The following NCOR1 variants were observed in gnomAD, a reference collection of about 807,000 sequenced individuals.
The protein encoded by NCOR1 is nuclear receptor corepressor 1.
In NCOR1, 63 loss-of-function variants were observed where a neutral mutation model predicts 288.1. The ratio of observed to expected loss-of-function variants is 0.22; its 90% CI spans 0.18 to 0.27. The LOEUF (loss-of-function observed/expected upper bound fraction) is 0.27, where lower values mean the gene tolerates loss of function less well. NCOR1 is among the 10% of genes least tolerant of loss of function. The pLI is 1.00. For synonymous variants in NCOR1, 1,007 were observed against 1,065.9 expected, an observed-to-expected ratio of 0.94 and a Z score of 1.08; for missense variants, 2,397 against 3,019.2, an observed-to-expected ratio of 0.79 and a Z score of 4.83.
intron 1 of NCOR1, among the ~76,000 whole-genome samples, chr17:16,206,380 T>C (rs2091509987): frequency 6.6e-6 from 1 of 151,474 alleles, no homozygotes; most frequent in African/African-American, 2.4e-5. Context: ...ATTAAGCAAA[T>C]TACAGTATTT....
intron 6 of NCOR1, among the ~76,000 whole-genome samples, chr17:16,157,311 T>C (rs1315983380): frequency 6.6e-6 from 1 of 152,180 alleles, no homozygotes; most frequent in East Asian, 1.9e-4. Context: ...ATTGGACTAA[T>C]ATTGAACCCA....
chr17:16,167,739 A>G (rs1258072367), intron 4 of NCOR1, among the ~76,000 whole-genome samples: 1 of 151,324 alleles, frequency 6.6e-6, no homozygotes, highest in African/African-American at 2.4e-5. Flanking sequence ...GCGAGCCTGT[A>G]ATCCCAGCTA....
intron 6 of NCOR1, among the ~76,000 whole-genome samples, chr17:16,155,804 A>G (rs2153405636): frequency 6.6e-6 from 1 of 152,284 alleles, no homozygotes; most frequent in South Asian, 2.1e-4. Context: ...GAAACAGATA[A>G]GCTCATTCAT....
Position 16,137,325 on chromosome 17 carries a change from T to C in NCOR1, c.1495A>G (p.Arg499Gly), listed in dbSNP as rs748239561. ...AGAAAACACACCTGGTTTCTGCCTC[T>C]GCGTTTCCCATAATTCCTTCTGACG... Reference protein sequence around the residue: ...ALVRRNYGKRRGRNQQIARPS... With the variant: ...ALVRRNYGKRGGRNQQIARPS... Residue 499 changes from arginine (R) to glycine (G), a missense_variant, in exon 14 of 46, where the codon AGA becomes GGA. Arg to Gly is a moderately radical substitution (Grantham distance 125). This residue lies in a region of NCOR1 where 7 missense variants were observed against 30.5 expected (regional missense o/e 0.23). Coordinates refer to ENST00000268712, the MANE Select transcript of NCOR1 (RefSeq NM_006311.4). 1 of 1,601,678 alleles carries C rather than the reference T, an allele frequency of 6.2e-7. No homozygotes were observed. Among genetic ancestry groups the C allele is most frequent in the Non-Finnish European group, 8.5e-7 (1 of 1,173,002 alleles).
At chr17:16,208,206 A>ATCTTTTTTT (rs2091770694) in intron 1 of NCOR1, among the ~76,000 whole-genome samples, 1 of 65,552 alleles carries the variant, frequency 1.5e-5, no homozygotes, top group Admixed American at 2.3e-4. Flanking sequence ...ATGCCCAGCT[A>ATCTTTTTTT]TTTTTTTTTT....
chr17:16,139,614 T>C (rs956854579), intron 11 of NCOR1, among the ~76,000 whole-genome samples: 3 of 152,150 alleles, frequency 2.0e-5, no homozygotes, highest in East Asian at 1.9e-4. Context: ...GAACAATAAA[T>C]AGAAAAATAA....
At chr17:16,083,310 G>C (rs1423690415) in intron 23 of NCOR1, among the ~76,000 whole-genome samples, 1 of 151,424 alleles carries the variant, frequency 6.6e-6, no homozygotes, top group African/African-American at 2.4e-5. Context: ...AGGAGTTGGA[G>C]GCTACAGTGA....
intron 3 of NCOR1, among the ~76,000 whole-genome samples, chr17:16,186,062 G>A (rs1187731825): frequency 6.6e-6 from 1 of 152,188 alleles, no homozygotes; most frequent in Non-Finnish European, 1.5e-5. Flanking sequence ...TACATTATCT[G>A]ACAGAATATT....
intron 22 of NCOR1, chr17:16,087,394 T>C (rs774594398): frequency 3.4e-5 from 42 of 1,225,566 alleles, no homozygotes; most frequent in Non-Finnish European, 4.6e-5. Context: ...CAAATTAAAA[T>C]AGTAAGTGTG....
chr17:16,183,691 T>C (rs553422541), intron 3 of NCOR1, among the ~76,000 whole-genome samples: 1 of 152,256 alleles, frequency 6.6e-6, no homozygotes, highest in African/African-American at 2.4e-5. Context: ...TTCAACACAA[T>C]TCTTATTAAA....
chr17:16,092,361 C>A (rs1394863680), intron 21 of NCOR1, among the ~76,000 whole-genome samples: 1 of 151,722 alleles, frequency 6.6e-6, no homozygotes, highest in Non-Finnish European at 1.5e-5. Flanking sequence ...GTGAGGCATG[C>A]CTGTAGTCCC....
chr17:16,116,776 G>A (rs1598860214), intron 18 of NCOR1, among the ~76,000 whole-genome samples: 1 of 152,286 alleles, frequency 6.6e-6, no homozygotes, highest in East Asian at 1.9e-4. Flanking sequence ...CATACTCAAT[G>A]GGTGAGATTT....
intron 32 of NCOR1, among the ~76,000 whole-genome samples, chr17:16,067,424 T>C (rs2061258302): frequency 6.6e-6 from 1 of 152,232 alleles, no homozygotes; most frequent in African/African-American, 2.4e-5. Flanking sequence ...TGTATTTAGA[T>C]TGCTTGGAAG....
intron 14 of NCOR1, among the ~76,000 whole-genome samples, chr17:16,127,650 T>C (rs1214192697): frequency 3.4e-5 from 5 of 147,238 alleles, no homozygotes; most frequent in African/African-American, 1.0e-4. Context: ...TATGTGTATG[T>C]GTATATATAC....
rs1180914155 is a variant in NCOR1, at chr17:16,032,413, T to A, written c.7206A>T (p.Ala2402=). The change falls in exon 46 of 46, where the codon GCA becomes GCT. Residue 2402 remains alanine (A), a synonymous_variant. Coordinates refer to ENST00000268712, the MANE Select transcript of NCOR1 (RefSeq NM_006311.4). ...MLSSTPPTPI[A]CAPSAVNQAA... ...CTTGGTTCACCGCAGAGGGAGCACATGCAATCGGTGTTGGTGGAGTACTGC... is the reference window on the plus strand; with the variant it reads ...CTTGGTTCACCGCAGAGGGAGCACAAGCAATCGGTGTTGGTGGAGTACTGC... The A allele has an allele frequency of 6.2e-7, 1 of 1,614,112 alleles. No individual in the cohort carries two copies. The highest frequency in any genetic ancestry group is 8.5e-7 in the Non-Finnish European group (1 of 1,179,990).
At chr17:16,130,679 ATTTTT>A (rs751231229) in intron 14 of NCOR1, among the ~76,000 whole-genome samples, 20 of 150,996 alleles carry the variant, frequency 1.3e-4, no homozygotes, top group Non-Finnish European at 2.7e-4. Context: ...ATTTCTTTTT[ATTTTT>A]ATTTTTATTT....
At chr17:16,052,611 T>G in intron 40 of NCOR1, among the ~76,000 whole-genome samples, 1 of 152,110 alleles carries the variant, frequency 6.6e-6, no homozygotes, top group Non-Finnish European at 1.5e-5. Context: ...CAGTAATAAA[T>G]AGCCTACCAC....
intron 27 of NCOR1, among the ~76,000 whole-genome samples, chr17:16,074,332 G>A (rs1567849352): frequency 1.3e-5 from 2 of 152,162 alleles, no homozygotes; most frequent in Non-Finnish European, 2.9e-5. Flanking sequence ...AGGGAGATGA[G>A]TTAGGTGGCT....
Position 16,101,400 on chromosome 17 carries a change from T to C in NCOR1, c.2540A>G (p.Asp847Gly), listed in dbSNP as rs780620086. 8.1e-6 allele frequency: 13 copies of C among 1,614,242 alleles called. No homozygotes were observed. The Middle Eastern group carries it at 4.9e-4, about 61-fold the overall frequency. ...AGGTTCCACCTTCTCACTGGCTCTA[T>C]CCAAGTCTCTTTCTTTGGTATTATC... Reference protein sequence around the residue: ...EGDNTKERDLDRASEKVEPRD... With the variant: ...EGDNTKERDLGRASEKVEPRD... The change falls in exon 20 of 46, where the codon GAT becomes GGT. Residue 847 changes from aspartate (D) to glycine (G), a missense_variant. Around this residue, in one of 11 missense-constraint regions of NCOR1, gnomAD observed 1,872 missense variants for 2,187.8 expected, o/e 0.86. Transcript: ENST00000268712.
Sources: allele counts gnomAD v4.1 joint callset (sites outside exome capture counted in the v4.1 genomes callset), GRCh38; gene constraint gnomAD v4.1.1; regional missense constraint gnomAD v4.1.1; transcripts MANE v1.5; gene names NCBI Gene and HGNC (gene_info 2026-07-23, HGNC 2026-07-21).